ZNF573: variants seen among roughly 807,000 people sequenced by gnomAD.
ZNF573 encodes the protein zinc finger protein 573.
A neutral mutation model predicts 57.4 loss-of-function variants in ZNF573; 41 were observed. The observed-to-expected ratio is 0.71, with a 90% CI of 0.56 to 0.93. The LOEUF (loss-of-function observed/expected upper bound fraction) is 0.93. ZNF573 is among the 40% of genes least tolerant of loss of function. The pLI is 0.00. For missense variants in ZNF573, 730 were observed against 794.8 expected, an observed-to-expected ratio of 0.92 and a Z score of 0.98; for synonymous variants, 249 against 261.0, an observed-to-expected ratio of 0.95 and a Z score of 0.44.
At chr19:37,743,319 C>CAA (rs74174484) in intron 4 of ZNF573, among the ~76,000 whole-genome samples, 4,953 of 99,540 alleles carry the variant, frequency 0.05, 203 homozygotes, top group African/African-American at 0.095. Flanking sequence ...GAATCCATCT[C>CAA]AAAAAAAAAA....
chr19:37,759,272 A>T (rs887808826), intron 4 of ZNF573: 19 of 374,184 alleles, frequency 5.1e-5, no homozygotes, highest in Admixed American at 6.4e-5. Context: ...ATTTATAGCA[A>T]TATCAGAGAA....
At chr19:37,764,495 A>G (rs2045582768) in intron 4 of ZNF573, among the ~76,000 whole-genome samples, 1 of 148,526 alleles carries the variant, frequency 6.7e-6, no homozygotes, top group African/African-American at 2.5e-5. Context: ...TAATTTTTGT[A>G]CTTTTAATAG....
At chr19:37,773,841 C>A in intron 1 of ZNF573, 90 bp from the exon 2 acceptor site, 1 of 785,870 alleles carries the variant, frequency 1.3e-6, no homozygotes, top group African/African-American at 1.7e-5. Flanking sequence ...CAAATTAATC[C>A]CTCACAACTG....
intron 4 of ZNF573, among the ~76,000 whole-genome samples, chr19:37,748,527 G>A (rs926419318): frequency 6.6e-6 from 1 of 152,070 alleles, no homozygotes; most frequent in East Asian, 1.9e-4. Flanking sequence ...AATCATGAGG[G>A]GAAACCATCA....
At chr19:37,746,862 G>A (rs1004220774) in intron 4 of ZNF573, among the ~76,000 whole-genome samples, 1 of 152,208 alleles carries the variant, frequency 6.6e-6, no homozygotes, top group African/African-American at 2.4e-5. Context: ...GGGATTACAG[G>A]CGTGAGCCAC....
At chr19:37,753,820 G>A (rs1329652780) in intron 4 of ZNF573, among the ~76,000 whole-genome samples, 1 of 152,180 alleles carries the variant, frequency 6.6e-6, no homozygotes, top group Non-Finnish European at 1.5e-5. Flanking sequence ...TACACTTAGT[G>A]TTACTTAAAC....
intron 1 of ZNF573, among the ~76,000 whole-genome samples, chr19:37,774,097 A>C (rs1274556228): frequency 6.8e-6 from 1 of 146,126 alleles, no homozygotes; most frequent in Non-Finnish European, 1.5e-5. Context: ...CAAGGCTGAG[A>C]GAGGACTTAT....
chr19:37,773,770 T>A lies in ZNF573; in HGVS notation c.-22-19A>T. The A allele has an allele frequency of 7.0e-7, 1 of 1,421,662 alleles. No homozygotes were observed. The highest frequency in any genetic ancestry group is 9.6e-7 in the Non-Finnish European group (1 of 1,045,234). The allele number at this position is 1,421,662 out of a possible 1,614,324, so 88.1% of individuals were successfully genotyped here. On this transcript the variant is annotated intron_variant, in intron 1 of 4. Coordinates refer to ENST00000536220, the MANE Select transcript of ZNF573 (RefSeq NM_001172690.2). ...TCCAGAGCTGAGAGAAGAAAAGAGA[T>A]GTTAGTGTTCCCAATATGACTTAAT...
At chr19:37,753,116 G>A (rs759589575) in intron 4 of ZNF573, among the ~76,000 whole-genome samples, 7 of 152,002 alleles carry the variant, frequency 4.6e-5, no homozygotes, top group African/African-American at 7.2e-5. Context: ...AAAATCAGCC[G>A]GGGTTGGGGC....
chr19:37,775,677 TA>T (rs1195114592), intron 1 of ZNF573, among the ~76,000 whole-genome samples: 1 of 151,924 alleles, frequency 6.6e-6, no homozygotes, highest in African/African-American at 2.4e-5. Flanking sequence ...ATCATATACC[TA>T]GAAAACCCTA....
chr19:37,766,929 A>C (rs192385681), intron 4 of ZNF573, among the ~76,000 whole-genome samples: 2 of 152,236 alleles, frequency 1.3e-5, no homozygotes, highest in African/African-American at 4.8e-5. Context: ...GCGTTTGCTC[A>C]TAACTGCACG....
chr19:37,769,965 G>A, intron 4 of ZNF573, 40 bp downstream of exon 4: 1 of 1,490,938 alleles, frequency 6.7e-7, no homozygotes, highest in Non-Finnish European at 9.2e-7. Flanking sequence ...TTACCACATG[G>A]GCTGTGGCCG....
At chr19:37,751,705 A>C (rs576418155) in intron 4 of ZNF573, among the ~76,000 whole-genome samples, 2 of 139,528 alleles carry the variant, frequency 1.4e-5, no homozygotes, top group Non-Finnish European at 3.1e-5. Context: ...TATATACTGT[A>C]TATAGTACAT....
chr19:37,739,206 G>T lies in ZNF573; in HGVS notation c.1284C>A (p.Tyr428Ter), dbSNP rs773617339. The change falls in exon 5 of 5, where the codon TAC (tyrosine) becomes TAA (stop). Residue 428 changes from tyrosine (Y) to a stop codon, truncating the protein, a stop_gained. Transcript: ENST00000536220. LOFTEE classifies it high-confidence loss of function. ...ECGKAFSLYG[Y>*]LKQHQKIHTG... ...TATGAATTTTCTGATGTTGTTTAAG[G>T]TAGCCATACAAGCTAAAGGCCTTTC... 1.2e-6 allele frequency: 2 copies of T among 1,612,924 alleles called. No homozygotes were observed. Among genetic ancestry groups the T allele is most frequent in the African/African-American group, 2.7e-5 (2 of 74,694 alleles).
intron 4 of ZNF573, among the ~76,000 whole-genome samples, chr19:37,748,204 G>A (rs1224288082): frequency 1.3e-5 from 2 of 152,148 alleles, no homozygotes; most frequent in Admixed American, 6.5e-5. Context: ...ACAGAAATAT[G>A]AGCTATATGG....
At chr19:37,748,657 T>C (rs535530143) in intron 4 of ZNF573, among the ~76,000 whole-genome samples, 2 of 151,984 alleles carry the variant, frequency 1.3e-5, no homozygotes, top group South Asian at 4.2e-4. Context: ...TGGCTGGGCA[T>C]GGTGGCTCAT....
chr19:37,738,819 C>A lies in ZNF573; in HGVS notation c.1671G>T (p.Lys557Asn), dbSNP rs768308982. 5.0e-6 allele frequency: 8 copies of A among 1,613,590 alleles called. No homozygotes were observed. The highest frequency in any genetic ancestry group is 6.8e-6 in the Non-Finnish European group (8 of 1,179,938). ...IHTDEKPFEC[K>N]ECGKTFRRSS... ...TACGTCTAAAGGTCTTCCCACATTC[C>A]TTACATTCAAAAGGTTTCTCATCAG... The change falls in exon 5 of 5, where the codon AAG (lysine) becomes AAT (asparagine). Residue 557 changes from lysine (K) to asparagine (N), a missense_variant. By Grantham distance (94) the Lys-to-Asn change is moderately conservative (BLOSUM62 0). Transcript: ENST00000536220.
chr19:37,757,105 A>G (rs922087732), intron 4 of ZNF573, among the ~76,000 whole-genome samples: 1 of 151,938 alleles, frequency 6.6e-6, no homozygotes, highest in Admixed American at 6.6e-5. Context: ...AACCAACACA[A>G]TCCCCTCTTA....
At chr19:37,767,075 G>T (rs1278985307) in intron 4 of ZNF573, among the ~76,000 whole-genome samples, 1 of 152,180 alleles carries the variant, frequency 6.6e-6, no homozygotes, top group African/African-American at 2.4e-5. Flanking sequence ...TTATGTTAAA[G>T]ATTTATAGGA....
Sources: allele counts gnomAD v4.1 joint callset (sites outside exome capture counted in the v4.1 genomes callset), GRCh38; gene constraint gnomAD v4.1.1; transcripts MANE v1.5; gene names NCBI Gene and HGNC (gene_info 2026-07-23, HGNC 2026-07-21).